The following IMPG2 variants were observed in gnomAD, a reference collection of about 807,000 sequenced individuals.
IMPG2 encodes interphotoreceptor matrix proteoglycan 2.
IMPG2 carries 91 observed loss-of-function variants against 129.2 expected under a neutral mutation model. The observed-to-expected ratio is 0.70, with a 90% CI of 0.59 to 0.84. IMPG2 has a LOEUF of 0.84. Ranked by LOEUF, IMPG2 falls within the 40% of genes least tolerant of loss-of-function variation. IMPG2 has a pLI of 0.00. For missense variants in IMPG2, 1,430 were observed against 1,461.7 expected, an observed-to-expected ratio of 0.98 and a Z score of 0.35; for synonymous variants, 510 against 517.7, an observed-to-expected ratio of 0.99 and a Z score of 0.20.
At position 101,244,197 on chromosome 3, in the gene IMPG2, C is replaced by T. The variant is rs140592059; in HGVS notation, c.2134G>A (p.Val712Ile). Residue 712 changes from valine (V) to isoleucine (I), a missense_variant, in exon 13 of 19, where the codon GTT (valine) becomes ATT (isoleucine). Transcript: ENST00000193391. ...LPKHISEVPG[V>I]DDYSVTKAPL... ...GCTTTGGTAACTGAGTAATCATCAA[C>T]ACCAGGTACTTCTGATATGTGCTTG... 2.6e-5 allele frequency: 42 copies of T among 1,613,884 alleles called. No homozygotes were observed. The highest frequency in any genetic ancestry group is 3.5e-5 in the Non-Finnish European group (41 of 1,180,006).
At position 101,223,213 on chromosome 3, in the gene IMPG2, CATTT is replaced by C. The variant is rs1223981538; in HGVS notation, c.*3752_*3755del. ...TAGTGACCGTCACATCATTTTTCTGCATTTATTACACAATTGGGAGAATAAGCTA... is the reference window on the plus strand; with the variant it reads ...TAGTGACCGTCACATCATTTTTCTGCATTACACAATTGGGAGAATAAGCTA... On this transcript the variant is annotated 3_prime_UTR_variant, in exon 19 of 19. Transcript: ENST00000193391. 6.6e-6 allele frequency: 1 copy of C among 152,180 alleles called. No individual in the cohort carries two copies. The highest frequency in any genetic ancestry group is 1.5e-5 in the Non-Finnish European group (1 of 68,032). The allele number at this position is 152,180 out of a possible 1,614,324, so 9.4% of individuals were successfully genotyped here. A position where few individuals can be genotyped will look rare whatever the true frequency, so the allele number is the denominator to read the frequency against.
chr3:101,254,747 G>A (rs532731780), intron 10 of IMPG2, among the ~76,000 whole-genome samples: 15 of 152,082 alleles, frequency 9.9e-5, no homozygotes, highest in Non-Finnish European at 1.9e-4. Context: ...TTGGCTCTAT[G>A]TCTCCACCCA....
chr3:101,299,145 A>G (rs1039829797), intron 3 of IMPG2, among the ~76,000 whole-genome samples: 5 of 152,010 alleles, frequency 3.3e-5, no homozygotes, highest in Non-Finnish European at 7.4e-5. Flanking sequence ...ATTTCAGCAA[A>G]ATAGTCTTCA....
At chr3:101,240,254 A>T (rs916157276) in intron 14 of IMPG2, among the ~76,000 whole-genome samples, 3 of 152,096 alleles carry the variant, frequency 2.0e-5, no homozygotes, top group Non-Finnish European at 4.4e-5. Flanking sequence ...AGTAGCTGGA[A>T]CTACAGGCAT....
chr3:101,226,255 A>ATATATATATG lies in IMPG2; in HGVS notation c.*713_*714insCATATATATA. On this transcript the variant is annotated 3_prime_UTR_variant, in exon 19 of 19. Coordinates refer to ENST00000193391, the MANE Select transcript of IMPG2 (RefSeq NM_016247.4). Reference sequence around the variant, plus strand: ...TATATATATATATATATATATATATATATATATATATATATATATATATAT... The same window carrying ATATATATATG: ...TATATATATATATATATATATATATATATATATATGTATATATATATATATATATATATAT... 3.3e-5 allele frequency: 1 copy of ATATATATATG among 30,704 alleles called. No individual in the cohort carries two copies. The highest frequency in any genetic ancestry group is 8.5e-5 in the Non-Finnish European group (1 of 11,742). The allele number at this position is 30,704 out of a possible 1,614,324, so 1.9% of individuals were successfully genotyped here.
At chr3:101,301,144 T>C (rs1485088019) in intron 3 of IMPG2, among the ~76,000 whole-genome samples, 2 of 152,230 alleles carry the variant, frequency 1.3e-5, no homozygotes, top group African/African-American at 2.4e-5. Flanking sequence ...TCAATTAAGC[T>C]TGTTGTCTTA....
chr3:101,319,040 TATA>T (rs965029048), intron 2 of IMPG2, among the ~76,000 whole-genome samples: 1 of 152,160 alleles, frequency 6.6e-6, no homozygotes, highest in Non-Finnish European at 1.5e-5. Flanking sequence ...TATTTGTATA[TATA>T]ATAACTATTA....
chr3:101,245,657 T>C (rs772706941), intron 12 of IMPG2, 145 bp downstream of exon 12: 2 of 781,404 alleles, frequency 2.6e-6, no homozygotes, highest in Non-Finnish European at 4.4e-6. Flanking sequence ...AATTTGATTG[T>C]TTCCTCTCAC....
rs187839386 is a variant in IMPG2, at chr3:101,302,311, A to T, written c.501+1835T>A. On this transcript the variant is annotated intron_variant, in intron 3 of 18. Coordinates refer to ENST00000193391, the MANE Select transcript of IMPG2 (RefSeq NM_016247.4). ...TTCTGGTAATACTAACCCATCATAT[A>T]TATTTGCCACACTAATGGCTGATCC... is the stretch of plus-strand genomic sequence containing the variant. 2.0e-5 allele frequency among the ~76,000 whole-genome samples: 3 copies of T among 152,352 alleles called. No individual in the cohort carries two copies. In the East Asian group the frequency reaches 5.8e-4, roughly 29 times the overall value.
chr3:101,244,339 G>T lies in IMPG2; in HGVS notation c.1992C>A (p.His664Gln), dbSNP rs1167510394. The stretch of plus-strand genomic sequence containing the variant: ...ATCTGTCATCATGTTCATATTTTGA[G>T]TGCTTACTAATTTGGTCTGTGGAAT... ...KMDSTDQISKHSKYEHDDRST... is the reference protein window; with the variant it reads ...KMDSTDQISKQSKYEHDDRST... The change falls in exon 13 of 19, where the codon CAC becomes CAA. Residue 664 changes from histidine to glutamine, a missense_variant. Coordinates refer to ENST00000193391, the MANE Select transcript of IMPG2 (RefSeq NM_016247.4). The T allele has an allele frequency of 6.2e-7, 1 of 1,613,718 alleles. No individual in the cohort carries two copies. The highest frequency in any genetic ancestry group is 8.5e-7 in the Non-Finnish European group (1 of 1,179,896).
chr3:101,272,032 C>G (rs1242603757), intron 7 of IMPG2, among the ~76,000 whole-genome samples: 2 of 152,154 alleles, frequency 1.3e-5, no homozygotes, highest in African/African-American at 4.8e-5. Context: ...TGACCTTTCC[C>G]TCTCTGATGT....
chr3:101,250,561 AAG>A (rs1336258886), intron 11 of IMPG2, among the ~76,000 whole-genome samples: 1 of 152,202 alleles, frequency 6.6e-6, no homozygotes, highest in Non-Finnish European at 1.5e-5. Flanking sequence ...CACACAAAAA[AAG>A]AGAAAAAAAC....
chr3:101,240,852 G>A (rs1040981372), intron 14 of IMPG2, among the ~76,000 whole-genome samples: 6 of 152,158 alleles, frequency 3.9e-5, no homozygotes, highest in African/African-American at 1.4e-4. Flanking sequence ...CTAAAGAATA[G>A]GGCTGACTTT....
chr3:101,292,245 C>T (rs996133339), intron 3 of IMPG2, among the ~76,000 whole-genome samples: 4 of 152,170 alleles, frequency 2.6e-5, no homozygotes, highest in African/African-American at 9.7e-5. Context: ...TCTTGCTCTA[C>T]AGACTCTCCC....
At chr3:101,320,212 CATCAA>C in intron 1 of IMPG2, 71 bp downstream of exon 1, 1 of 856,774 alleles carries the variant, frequency 1.2e-6, no homozygotes. Context: ...ACAGCAATCA[CATCAA>C]ATAATCCTAT....
chr3:101,242,949 C>T (rs757559941), intron 13 of IMPG2, 42 bp from the exon 14 acceptor site: 1 of 1,523,504 alleles, frequency 6.6e-7, no homozygotes, highest in Non-Finnish European at 9.1e-7. Context: ...CAGCGTGTCA[C>T]ATTTTGTTCA....
chr3:101,279,397 A>G (rs1201270868), intron 4 of IMPG2, among the ~76,000 whole-genome samples: 1 of 152,150 alleles, frequency 6.6e-6, no homozygotes, highest in Non-Finnish European at 1.5e-5. Flanking sequence ...GATGCCAGAA[A>G]CCTCATTCTT....
chr3:101,262,930 C>T (rs1262624735), intron 9 of IMPG2, among the ~76,000 whole-genome samples: 1 of 151,416 alleles, frequency 6.6e-6, no homozygotes, highest in Non-Finnish European at 1.5e-5. Context: ...GACTTCAAGT[C>T]CAAAGTTGAA....
At chr3:101,304,642 A>G (rs1707170093) in intron 2 of IMPG2, among the ~76,000 whole-genome samples, 1 of 152,120 alleles carries the variant, frequency 6.6e-6, no homozygotes, top group African/African-American at 2.4e-5. Context: ...TATTTAATCC[A>G]ATGTTTTCCT....
Sources: gnomAD v4.1 joint callset for allele counts (sites outside exome capture counted in the v4.1 genomes callset) on GRCh38, gnomAD v4.1.1 for gene constraint, MANE v1.5 for transcripts, NCBI Gene and HGNC (gene_info 2026-07-23, HGNC 2026-07-21) for gene names.